MRTFA: variants seen among roughly 807,000 people sequenced by gnomAD.
MRTFA encodes myocardin related transcription factor A.
Under a neutral mutation model 83.5 loss-of-function variants are expected in MRTFA, and 20 were observed. The ratio of observed to expected loss-of-function variants is 0.24; its 90% CI spans 0.17 to 0.35. The LOEUF is 0.35. MRTFA is among the 10% of genes least tolerant of loss of function. MRTFA has a pLI of 1.00. For synonymous variants in MRTFA, 659 were observed against 541.2 expected (o/e 1.22, Z -3.02); for missense variants, 1,200 against 1,224.7 (o/e 0.98, Z 0.30).
At chr22:40,519,362 A>G in intron 3 of MRTFA, 1 of 1,243,228 alleles carries the variant, frequency 8.0e-7, no homozygotes, top group South Asian at 1.3e-5. Context: ...AACTCTTCTC[A>G]AACCTTGGAG....
At chr22:40,509,067 C>T (rs535708684) in intron 3 of MRTFA, among the ~76,000 whole-genome samples, 45 of 152,260 alleles carry the variant, frequency 3.0e-4, no homozygotes, top group African/African-American at 9.1e-4. Context: ...TTCCAATTTT[C>T]GAGGAAGTCA....
chr22:40,414,608 G>T (rs2052636741), intron 14 of MRTFA, among the ~76,000 whole-genome samples: 1 of 152,200 alleles, frequency 6.6e-6, no homozygotes, highest in Admixed American at 6.5e-5. Flanking sequence ...TATGCTGAGT[G>T]AAATAAGCCA....
Position 40,417,026 on chromosome 22 carries a change from C to T in MRTFA, c.2538G>A (p.Gln846=), listed in dbSNP as rs200735385. 1.3e-6 allele frequency: 2 copies of T among 1,596,632 alleles called. No individual in the cohort carries two copies. Among genetic ancestry groups the T allele is most frequent in the East Asian group, 2.2e-5 (1 of 44,486 alleles). Residue 846 remains glutamine, a synonymous_variant, in exon 14 of 15, where the codon CAG becomes CAA. Transcript: ENST00000355630. Reference sequence around the variant, plus strand: ...GAATGTCAAACAGGTCGTCCATCTGCTGGCTTGAGGAACCATTTTCCTGTG... The same window carrying T: ...GAATGTCAAACAGGTCGTCCATCTGTTGGCTTGAGGAACCATTTTCCTGTG...
At chr22:40,469,951 C>CAGTGGCTCACAT (rs1378285076) in intron 3 of MRTFA, among the ~76,000 whole-genome samples, 1 of 151,710 alleles carries the variant, frequency 6.6e-6, no homozygotes, top group Non-Finnish European at 1.5e-5. Context: ...TGGCTGGGCA[C>CAGTGGCTCACAT]AGTGGCTCAC....
At chr22:40,449,524 G>A (rs980293565) in intron 4 of MRTFA, among the ~76,000 whole-genome samples, 1 of 152,142 alleles carries the variant, frequency 6.6e-6, no homozygotes, top group African/African-American at 2.4e-5. Context: ...CAGATTCCTA[G>A]GCCTTAAGAA....
At position 40,535,355 on chromosome 22, in the gene MRTFA, TTTTTTTTTTTC is replaced by T. The variant is rs199712955; in HGVS notation, c.241+16740_241+16750del. Among the ~76,000 whole-genome samples, 1,111 of 138,380 alleles carry T rather than the reference TTTTTTTTTTTC, an allele frequency of 8.0e-3. 31 individuals carry two copies. The highest frequency in any genetic ancestry group is 0.077 in the Middle Eastern group (22 of 284). 90.8% of individuals were successfully genotyped at this position (138,380 alleles called of 152,430 possible). On this transcript the variant is annotated intron_variant, in intron 3 of 14. Coordinates refer to ENST00000355630, the MANE Select transcript of MRTFA (RefSeq NM_020831.6). ...CTGTGTGAGAGGTTTTTTCTTTTTT[TTTTTTTTTTTC>T]TTTTTGAGACTAGGTCTCACTCTGT...
At chr22:40,603,398 G>C (rs1230085650) in intron 1 of MRTFA, among the ~76,000 whole-genome samples, 1 of 152,114 alleles carries the variant, frequency 6.6e-6, no homozygotes, top group Non-Finnish European at 1.5e-5. Context: ...CTCTGACATA[G>C]GAGTTTTTTC....
At chr22:40,459,830 C>CATATATATATATATATAT (rs55885079) in intron 4 of MRTFA, among the ~76,000 whole-genome samples, 181 of 86,874 alleles carry the variant, frequency 2.1e-3, no homozygotes, top group South Asian at 3.7e-3. Flanking sequence ...CACATATATA[C>CATATATATATATATATAT]ATATATATAT....
At chr22:40,437,555 T>G (rs918842307) in intron 4 of MRTFA, among the ~76,000 whole-genome samples, 9 of 151,670 alleles carry the variant, frequency 5.9e-5, no homozygotes, top group Non-Finnish European at 8.8e-5. Context: ...AGGTAAGGAG[T>G]TCGAGACGAG....
intron 10 of MRTFA, 115 bp from the exon 11 acceptor site, chr22:40,420,691 G>A: frequency 6.5e-7 from 1 of 1,534,792 alleles, no homozygotes; most frequent in South Asian, 1.2e-5. Context: ...CAAGGGCCCA[G>A]CAAAGGCTAG....
At chr22:40,576,671 A>C (rs2055872093) in intron 2 of MRTFA, among the ~76,000 whole-genome samples, 1 of 152,200 alleles carries the variant, frequency 6.6e-6, no homozygotes, top group Non-Finnish European at 1.5e-5. Context: ...AACTTTCTAC[A>C]CCAACAGATA....
chr22:40,498,273 A>ATTTTTTTTTTTTTTTT (rs1189933906), intron 3 of MRTFA, among the ~76,000 whole-genome samples: 1 of 40,982 alleles, frequency 2.4e-5, no homozygotes, highest in Non-Finnish European at 4.2e-5. Flanking sequence ...ATATATATAT[A>ATTTTTTTTTTTTTTTT]TTTTTTTTTT....
intron 1 of MRTFA, among the ~76,000 whole-genome samples, chr22:40,618,488 G>A (rs376124768): frequency 3.3e-5 from 5 of 152,102 alleles, no homozygotes; most frequent in East Asian, 3.9e-4. Flanking sequence ...GAGTATTTCG[G>A]GTAGAGGGAA....
At chr22:40,451,981 T>G (rs1458941809) in intron 4 of MRTFA, among the ~76,000 whole-genome samples, 6 of 113,158 alleles carry the variant, frequency 5.3e-5, no homozygotes, top group South Asian at 3.3e-4. Context: ...TTTGGTTTTT[T>G]TTTTTTTTTT....
chr22:40,430,077 C>CA (rs1465551631), intron 6 of MRTFA, among the ~76,000 whole-genome samples: 2 of 152,180 alleles, frequency 1.3e-5, no homozygotes, highest in South Asian at 4.1e-4. Context: ...CACTCTCCCT[C>CA]AAACTTGCTG....
At chr22:40,571,647 T>A (rs1336894513) in intron 2 of MRTFA, among the ~76,000 whole-genome samples, 1 of 151,350 alleles carries the variant, frequency 6.6e-6, no homozygotes, top group Non-Finnish European at 1.5e-5. Flanking sequence ...AAAGAAAATA[T>A]AAAAACAGAC....
At chr22:40,491,571 T>G (rs2054272687) in intron 3 of MRTFA, among the ~76,000 whole-genome samples, 1 of 152,226 alleles carries the variant, frequency 6.6e-6, no homozygotes, top group African/African-American at 2.4e-5. Flanking sequence ...GAAACTGAAA[T>G]GATCATCAAT....
At chr22:40,541,324 G>T (rs555691275) in intron 3 of MRTFA, among the ~76,000 whole-genome samples, 2 of 152,282 alleles carry the variant, frequency 1.3e-5, no homozygotes, top group Non-Finnish European at 2.9e-5. Context: ...ATGTAATCCA[G>T]TTTCTGTGCC....
rs1190243148 is a variant in MRTFA, at chr22:40,416,212, CCT to C, written c.2578+772_2578+773del. ...TGAAGTCATCCTTGGCTGTTCCTTC[CCT>C]CTCCCCCCACTTCATCCATAAAGAC... On this transcript the variant is annotated intron_variant, in intron 14 of 14. Coordinates refer to ENST00000355630, the MANE Select transcript of MRTFA (RefSeq NM_020831.6). This position sits in a 1 kb window ranked among gnomAD's most constrained non-coding sequence, Gnocchi z 4.2. Among the ~76,000 whole-genome samples the C allele has an allele frequency of 6.6e-6, 1 of 152,152 alleles. No individual in the cohort carries two copies. The highest frequency in any genetic ancestry group is 1.9e-4 in the East Asian group (1 of 5,182).
Sources: gnomAD v4.1 joint callset for allele counts (sites outside exome capture counted in the v4.1 genomes callset) on GRCh38, gnomAD v4.1.1 for gene constraint, Gnocchi (gnomAD v3.1) non-coding constraint, MANE v1.5 for transcripts, NCBI Gene and HGNC (gene_info 2026-07-23, HGNC 2026-07-21) for gene names.